The following PCSK2 variants were observed in gnomAD, a reference collection of about 807,000 sequenced individuals.
PCSK2 encodes proprotein convertase subtilisin/kexin type 2, also known as neuroendocrine convertase 2.
A neutral mutation model predicts 69.7 loss-of-function variants in PCSK2; 14 were observed. The ratio of observed to expected loss-of-function variants is 0.20; its 90% CI spans 0.13 to 0.31. The LOEUF (loss-of-function observed/expected upper bound fraction) is 0.31. Among genes scored for constraint, PCSK2 ranks in the 10% least tolerant of loss-of-function variants. PCSK2 has a pLI of 1.00. For missense variants in PCSK2, 544 were observed against 842.5 expected (o/e 0.65, Z 4.39); for synonymous variants, 307 against 320.7 (o/e 0.96, Z 0.46).
At chr20:17,474,170 G>A (rs1333123263) in intron 11 of PCSK2, among the ~76,000 whole-genome samples, 1 of 152,148 alleles carries the variant, frequency 6.6e-6, no homozygotes, top group Admixed American at 6.5e-5. Flanking sequence ...GCTACTGTGG[G>A]CATTGGCTGC....
rs929554537 is a variant in PCSK2, at chr20:17,484,352, T to G, written c.*2282T>G. 1 of 152,564 alleles carries G rather than the reference T, an allele frequency of 6.6e-6. No individual in the cohort carries two copies. Among genetic ancestry groups the G allele is most frequent in the African/African-American group, 2.4e-5 (1 of 41,442 alleles). The allele number at this position is 152,564 out of a possible 1,614,324, so 9.5% of individuals were successfully genotyped here. A position where few individuals can be genotyped will look rare whatever the true frequency, so the allele number is the denominator to read the frequency against. ...AAATATTTGGTCTCTATTTCATTTT[T>G]TGCATCAGTATTAATACTAAAATAT... is the stretch of plus-strand genomic sequence containing the variant. On this transcript the variant is annotated 3_prime_UTR_variant, in exon 12 of 12. Coordinates refer to ENST00000262545, the MANE Select transcript of PCSK2 (RefSeq NM_002594.5).
intron 3 of PCSK2, among the ~76,000 whole-genome samples, chr20:17,360,270 A>C (rs2030344832): frequency 1.3e-5 from 2 of 152,084 alleles, no homozygotes; most frequent in Admixed American, 1.3e-4. Context: ...TCTAGTTATA[A>C]GATATTAGGG....
At chr20:17,361,835 G>C (rs2030407287) in intron 4 of PCSK2, among the ~76,000 whole-genome samples, 1 of 152,212 alleles carries the variant, frequency 6.6e-6, no homozygotes, top group Non-Finnish European at 1.5e-5. Flanking sequence ...CTGCATGAGA[G>C]TGTGTGTGCT....
intron 7 of PCSK2, among the ~76,000 whole-genome samples, chr20:17,429,997 A>G (rs922735897): frequency 3.2e-4 from 49 of 152,254 alleles, no homozygotes; most frequent in Admixed American, 3.2e-3. Context: ...AGACTATAGA[A>G]TACAAGGTGG....
At chr20:17,428,247 C>G (rs1001654281) in intron 6 of PCSK2, among the ~76,000 whole-genome samples, 3 of 152,158 alleles carry the variant, frequency 2.0e-5, no homozygotes, top group Non-Finnish European at 4.4e-5. Context: ...AGGACAGGGA[C>G]AGGTTTAACA....
At position 17,309,762 on chromosome 20, in the gene PCSK2, G is replaced by C. The variant is rs374168980; in HGVS notation, c.283-48565G>C. On this transcript the variant is annotated intron_variant, in intron 2 of 11. Coordinates refer to ENST00000262545, the MANE Select transcript of PCSK2 (RefSeq NM_002594.5). ...GAACTTGGAAGGAGGAGGTTGCAGT[G>C]AGCCAATATCATGCCACTATACTCC... Among the ~76,000 whole-genome samples, 29 of 152,054 alleles carry C rather than the reference G, an allele frequency of 1.9e-4. No homozygotes were observed. The South Asian group carries it at 5.8e-3, about 31-fold the overall frequency.
At chr20:17,350,862 G>A (rs2029961750) in intron 2 of PCSK2, among the ~76,000 whole-genome samples, 2 of 151,980 alleles carry the variant, frequency 1.3e-5, no homozygotes, top group Non-Finnish European at 2.9e-5. Flanking sequence ...GGCCAACATG[G>A]TGAAACCCCA....
chr20:17,451,736 A>T (rs2032826145), intron 8 of PCSK2, among the ~76,000 whole-genome samples: 1 of 152,164 alleles, frequency 6.6e-6, no homozygotes, highest in Admixed American at 6.5e-5. Flanking sequence ...AATTAGGGTC[A>T]CAATCAATCT....
At position 17,296,458 on chromosome 20, in the gene PCSK2, G is replaced by A. The variant is rs115431977; in HGVS notation, c.282+36114G>A. ...CTGCTGACACTGCCAAACCACTCGC[G>A]CCCCTCTCAGCACTTCACCTGTGCT... On this transcript the variant is annotated intron_variant, in intron 2 of 11. Transcript: ENST00000262545. 1.5e-3 allele frequency among the ~76,000 whole-genome samples: 227 copies of A among 152,178 alleles called. 2 individuals are homozygous for A. Among genetic ancestry groups the A allele is most frequent in the African/African-American group, 4.9e-3 (203 of 41,502 alleles).
At chr20:17,348,839 A>T (rs2029888909) in intron 2 of PCSK2, among the ~76,000 whole-genome samples, 1 of 152,126 alleles carries the variant, frequency 6.6e-6, no homozygotes, top group Non-Finnish European at 1.5e-5. Flanking sequence ...TGACCTCTTT[A>T]AAGACACTAT....
intron 1 of PCSK2, among the ~76,000 whole-genome samples, chr20:17,241,873 C>T (rs529481066): frequency 6.6e-6 from 1 of 152,298 alleles, no homozygotes; most frequent in South Asian, 2.1e-4. Context: ...CACATTACTC[C>T]CTGATATTCC....
In PCSK2 at chr20:17,482,017, G is replaced by C. The variant is rs948935148; in HGVS notation, c.1864G>C (p.Glu622Gln). Residue 622 changes from glutamate (E) to glutamine (Q), a missense_variant, in exon 12 of 12, where the codon GAG (glutamate) becomes CAG (glutamine). Physicochemically the swap from Glu to Gln is conservative, Grantham distance 29. Around this residue, in one of 3 missense-constraint regions of PCSK2, gnomAD observed 200 missense variants for 287.8 expected, o/e 0.69. Transcript: ENST00000262545. ...AMSKKEELEE[E>Q]LDEAVERSLK... ...GTCCAAGAAAGAGGAGCTGGAGGAA[G>C]AGCTGGACGAAGCCGTGGAGAGAAG... The C allele has an allele frequency of 1.9e-6, 3 of 1,611,416 alleles. No homozygotes were observed. In the African/African-American group the frequency reaches 4.0e-5, roughly 22 times the overall value.
intron 6 of PCSK2, among the ~76,000 whole-genome samples, chr20:17,409,731 C>T (rs142835135): frequency 6.6e-6 from 1 of 152,284 alleles, no homozygotes; most frequent in East Asian, 1.9e-4. Context: ...GCATTCTGTA[C>T]GCTTTCTGCT....
intron 2 of PCSK2, among the ~76,000 whole-genome samples, chr20:17,278,850 C>T (rs6044722): frequency 2.7e-5 from 4 of 146,838 alleles, no homozygotes; most frequent in East Asian, 2.0e-4. Flanking sequence ...CCTCTGTTGC[C>T]TTTTTTTTTT....
At chr20:17,396,677 G>T (rs1231104932) in intron 5 of PCSK2, among the ~76,000 whole-genome samples, 4 of 150,838 alleles carry the variant, frequency 2.7e-5, no homozygotes, top group Non-Finnish European at 4.4e-5. Flanking sequence ...TGATACAGTT[G>T]CACAATCATA....
chr20:17,338,099 T>C (rs1036007621), intron 2 of PCSK2, among the ~76,000 whole-genome samples: 13 of 144,774 alleles, frequency 9.0e-5, no homozygotes, highest in African/African-American at 3.2e-4. Context: ...GTCCCTGAAC[T>C]CAAGCACTTC....
chr20:17,273,945 A>G (rs1987960141), intron 2 of PCSK2, among the ~76,000 whole-genome samples: 1 of 152,104 alleles, frequency 6.6e-6, no homozygotes, highest in Non-Finnish European at 1.5e-5. Context: ...CCACTTGTAA[A>G]TGCCTCAGCT....
rs186148113 is a variant in PCSK2, at chr20:17,229,194, T to C, written c.177+1712T>C. On this transcript the variant is annotated intron_variant, in intron 1 of 11. Coordinates refer to ENST00000262545, the MANE Select transcript of PCSK2 (RefSeq NM_002594.5). ...GAGGCTACTATCATTATTGAGCCTA[T>C]GGCCCCGTTGAGGAAATTGGTTCAG... Among the ~76,000 whole-genome samples, 12 of 151,988 alleles carry C rather than the reference T, an allele frequency of 7.9e-5. 1 individual carries two copies. Among genetic ancestry groups the C allele is most frequent in the African/African-American group, 2.4e-4 (10 of 41,466 alleles).
intron 5 of PCSK2, among the ~76,000 whole-genome samples, chr20:17,372,249 T>A (rs548665309): frequency 6.6e-6 from 1 of 151,954 alleles, no homozygotes; most frequent in Non-Finnish European, 1.5e-5. Flanking sequence ...CGTGGTGGCA[T>A]GTGCCTGTAG....
Sources: allele counts gnomAD v4.1 joint callset (sites outside exome capture counted in the v4.1 genomes callset), GRCh38; gene constraint gnomAD v4.1.1; regional missense constraint gnomAD v4.1.1; transcripts MANE v1.5; gene names NCBI Gene and HGNC (gene_info 2026-07-23, HGNC 2026-07-21).